The following ELMO1 variants were observed in gnomAD, a reference collection of about 807,000 sequenced individuals.
The protein encoded by ELMO1 is engulfment and cell motility protein 1.
ELMO1 carries 26 observed loss-of-function variants against 98.9 expected under a neutral mutation model. The ratio of observed to expected loss-of-function variants is 0.26; its 90% CI spans 0.19 to 0.36. The LOEUF (loss-of-function observed/expected upper bound fraction) is 0.36. ELMO1 is among the 10% of genes least tolerant of loss of function. ELMO1 has a pLI of 1.00. For missense variants in ELMO1, 627 were observed against 935.2 expected (o/e 0.67, Z 4.30); for synonymous variants, 346 against 346.0 (o/e 1.00, Z 0.00).
At chr7:37,412,510 G>A (rs11771053) in intron 1 of ELMO1, among the ~76,000 whole-genome samples, 1 of 152,122 alleles carries the variant, frequency 6.6e-6, no homozygotes, top group African/African-American at 2.4e-5. Flanking sequence ...ACTACAGTGT[G>A]CCAACTACTG....
At chr7:37,343,946 G>C (rs1361469638) in intron 1 of ELMO1, among the ~76,000 whole-genome samples, 2 of 151,762 alleles carry the variant, frequency 1.3e-5, no homozygotes, top group Admixed American at 6.6e-5. Context: ...AAAGTCATTA[G>C]GTATCCCTCC....
intron 1 of ELMO1, chr7:37,375,850 G>C (rs988856093): frequency 1.9e-5 from 14 of 724,816 alleles, no homozygotes; most frequent in Non-Finnish European, 3.0e-5. Flanking sequence ...TAAAGGTCTG[G>C]AGACTGAGCA....
chr7:37,164,760 G>T (rs936099206), intron 13 of ELMO1, among the ~76,000 whole-genome samples: 2 of 149,504 alleles, frequency 1.3e-5, no homozygotes, highest in Non-Finnish European at 3.0e-5. Context: ...ATAGTTTGAA[G>T]TCAGGTAGTG....
intron 16 of ELMO1, among the ~76,000 whole-genome samples, chr7:36,899,219 T>C (rs887986159): frequency 1.3e-5 from 2 of 152,200 alleles, no homozygotes; most frequent in African/African-American, 4.8e-5. Context: ...TTGGATTTTT[T>C]TGTTTCTGTA....
rs569674675 is a variant in ELMO1, at chr7:37,003,147, A to G, written c.1437+10152T>C. Among the ~76,000 whole-genome samples the G allele has an allele frequency of 1.2e-4, 19 of 152,378 alleles. No individual in the cohort carries two copies. The South Asian group carries it at 3.7e-3, about 30-fold the overall frequency. On this transcript the variant is annotated intron_variant, in intron 16 of 21. Transcript: ENST00000310758. ...AAATAAAGGGAAGAAGGAGGCGGGC[A>G]GAAGAAGAAATTCGGTTTGGAATTA... is the stretch of plus-strand genomic sequence containing the variant.
intron 13 of ELMO1, among the ~76,000 whole-genome samples, chr7:37,154,210 A>G (rs7784438): frequency 0.62 from 93,818 of 152,164 alleles, 31,239 homozygotes; most frequent in Non-Finnish European, 0.74. Context: ...ATGGGGAGAA[A>G]CCAGAACAGA....
At chr7:37,354,755 C>T (rs1383402086) in intron 1 of ELMO1, among the ~76,000 whole-genome samples, 1 of 152,186 alleles carries the variant, frequency 6.6e-6, no homozygotes. Context: ...AAGGCTCGAG[C>T]CCAGTTCCCT....
chr7:36,858,490 G>A (rs191591512), intron 21 of ELMO1, among the ~76,000 whole-genome samples: 90 of 152,142 alleles, frequency 5.9e-4, no homozygotes, highest in African/African-American at 2.1e-3. Context: ...AATAATACCC[G>A]CCTTCCAAAG....
chr7:37,448,499 G>C (rs999369413), intron 1 of ELMO1, among the ~76,000 whole-genome samples, 176 bp downstream of exon 1: 2 of 151,800 alleles, frequency 1.3e-5, no homozygotes, highest in Admixed American at 6.6e-5. Context: ...TGCCGAGCGC[G>C]GCGGCCACCC....
intron 15 of ELMO1, among the ~76,000 whole-genome samples, chr7:37,082,361 G>T (rs1797909466): frequency 6.6e-6 from 1 of 151,878 alleles, no homozygotes; most frequent in Non-Finnish European, 1.5e-5. Flanking sequence ...CCTCTCAAAA[G>T]ATTCTGATGG....
chr7:37,431,019 AG>A (rs149543489), intron 1 of ELMO1, among the ~76,000 whole-genome samples: 2,004 of 152,306 alleles, frequency 0.013, 53 homozygotes, highest in African/African-American at 0.046. Flanking sequence ...CTTAATGGAC[AG>A]CAAGGTCAAC....
At chr7:37,120,210 G>A (rs939124101) in intron 14 of ELMO1, among the ~76,000 whole-genome samples, 8 of 152,206 alleles carry the variant, frequency 5.3e-5, no homozygotes, top group African/African-American at 1.9e-4. Context: ...CTCCCAGCGT[G>A]AGCAACTCAG....
At chr7:37,387,346 G>A (rs1802851573) in intron 1 of ELMO1, among the ~76,000 whole-genome samples, 1 of 152,210 alleles carries the variant, frequency 6.6e-6, no homozygotes. Context: ...GGAAGCGTCT[G>A]TTTCAGGCCT....
chr7:37,320,024 G>A (rs1460932543), intron 2 of ELMO1, among the ~76,000 whole-genome samples: 3 of 152,188 alleles, frequency 2.0e-5, no homozygotes, highest in Non-Finnish European at 4.4e-5. Context: ...GGGAGGCGGA[G>A]GTGGGCGGAT....
At chr7:37,316,578 T>C (rs970772941) in intron 2 of ELMO1, among the ~76,000 whole-genome samples, 4 of 152,182 alleles carry the variant, frequency 2.6e-5, no homozygotes, top group Non-Finnish European at 5.9e-5. Flanking sequence ...AGCTGTTCTG[T>C]TGTGCCTAAC....
At chr7:37,096,582 C>A (rs1281615128) in intron 15 of ELMO1, 37 bp downstream of exon 15, 3 of 1,588,416 alleles carry the variant, frequency 1.9e-6, no homozygotes, top group Non-Finnish European at 2.6e-6. Flanking sequence ...TGGGACTCTG[C>A]CAGCTTCACA....
chr7:37,317,763 G>C (rs1348809968), intron 2 of ELMO1, among the ~76,000 whole-genome samples: 1 of 152,162 alleles, frequency 6.6e-6, no homozygotes, highest in Non-Finnish European at 1.5e-5. Context: ...GTATTTGGTA[G>C]CACAACAGGG....
rs1789233001 is a variant in ELMO1 at position 36,964,412 on chromosome 7, A to T, written c.1437+48887T>A. On this transcript the variant is annotated intron_variant, in intron 16 of 21. Coordinates refer to ENST00000310758, the MANE Select transcript of ELMO1 (RefSeq NM_014800.11). ...GTTAAGTATTTCATGTAATTTATTA[A>T]ATACTATACTGAAAGTAAAAACCAG... is the stretch of plus-strand genomic sequence containing the variant. Among the ~76,000 whole-genome samples, 2 of 152,194 alleles carry T rather than the reference A, an allele frequency of 1.3e-5. 1 individual carries two copies. The highest frequency in any genetic ancestry group is 4.1e-4 in the South Asian group (2 of 4,828).
chr7:37,201,320 A>G (rs117347206), intron 13 of ELMO1, among the ~76,000 whole-genome samples: 22 of 152,196 alleles, frequency 1.4e-4, no homozygotes, highest in Non-Finnish European at 1.9e-4. Context: ...CCCCAAATAC[A>G]TTATTATTGT....
Sources: gnomAD v4.1 joint callset for allele counts (sites outside exome capture counted in the v4.1 genomes callset) on GRCh38, gnomAD v4.1.1 for gene constraint, MANE v1.5 for transcripts, NCBI Gene and HGNC (gene_info 2026-07-23, HGNC 2026-07-21) for gene names.